The following ROBO2 variants were observed in gnomAD, a reference collection of about 807,000 sequenced individuals.
The protein encoded by ROBO2 is roundabout homolog 2.
ROBO2 carries 53 observed loss-of-function variants against 160.8 expected under a neutral mutation model. That is an observed-to-expected ratio of 0.33 (90% CI 0.26 to 0.41). The LOEUF (loss-of-function observed/expected upper bound fraction) is 0.41. Ranked by LOEUF, ROBO2 falls within the 10% of genes least tolerant of loss-of-function variation. The pLI is 1.00. For missense variants in ROBO2, 1,577 were observed against 1,722.4 expected (o/e 0.92, Z 1.49); for synonymous variants, 664 against 611.7 (o/e 1.09, Z -1.26).
chr3:76,381,507 G>A (rs557288971), intron 2 of ROBO2, among the ~76,000 whole-genome samples: 31 of 151,744 alleles, frequency 2.0e-4, no homozygotes, highest in East Asian at 9.7e-4. Flanking sequence ...GTGCCACCGC[G>A]CCCGGCTTAT....
intron 2 of ROBO2, among the ~76,000 whole-genome samples, chr3:76,903,649 A>C (rs2075385095): frequency 6.6e-6 from 1 of 152,158 alleles, no homozygotes; most frequent in Admixed American, 6.6e-5. Context: ...GCCAAGCTCC[A>C]AGGGCAAATA....
chr3:76,826,902 A>G (rs1337634554), intron 2 of ROBO2, among the ~76,000 whole-genome samples: 6 of 152,186 alleles, frequency 3.9e-5, no homozygotes, highest in Admixed American at 1.3e-4. Flanking sequence ...TTGTTTCCTG[A>G]ATACAAATAG....
chr3:75,961,575 TGTAGC>T (rs1948911214), intron 2 of ROBO2, among the ~76,000 whole-genome samples: 1 of 151,606 alleles, frequency 6.6e-6, no homozygotes, highest in African/African-American at 2.4e-5. Context: ...TTATAAAGGG[TGTAGC>T]ATTCTTTATA....
chr3:77,582,681 T>C (rs543232419), intron 16 of ROBO2, among the ~76,000 whole-genome samples: 1 of 152,262 alleles, frequency 6.6e-6, no homozygotes, highest in South Asian at 2.1e-4. Context: ...TTTCCTCTCA[T>C]CTTTTTTTTG....
chr3:76,728,513 C>A (rs1042513993), intron 2 of ROBO2, among the ~76,000 whole-genome samples: 2 of 152,132 alleles, frequency 1.3e-5, no homozygotes, highest in Non-Finnish European at 2.9e-5. Context: ...ATCATTAAAT[C>A]GCTATCTTCG....
chr3:77,200,014 CAAGT>C (rs2151005650), intron 2 of ROBO2, among the ~76,000 whole-genome samples: 1 of 150,760 alleles, frequency 6.6e-6, no homozygotes, highest in African/African-American at 2.4e-5. Flanking sequence ...TTGCATGCAA[CAAGT>C]AAGTGAATAA....
intron 2 of ROBO2, among the ~76,000 whole-genome samples, chr3:76,665,926 G>T (rs1385192581): frequency 7.4e-6 from 1 of 134,862 alleles, no homozygotes; most frequent in East Asian, 2.1e-4. Context: ...TATTTTATAT[G>T]TAATATACAT....
At chr3:76,128,015 C>T (rs536695993) in intron 2 of ROBO2, among the ~76,000 whole-genome samples, 1 of 151,062 alleles carries the variant, frequency 6.6e-6, no homozygotes, top group African/African-American at 2.4e-5. Context: ...CCTGCCTCAG[C>T]CTCCTGAGTA....
chr3:76,318,229 C>G (rs957878342), intron 2 of ROBO2, among the ~76,000 whole-genome samples: 1 of 152,088 alleles, frequency 6.6e-6, no homozygotes, highest in Non-Finnish European at 1.5e-5. Context: ...AGACTAAGCA[C>G]TCTTATCAAA....
At chr3:76,963,870 T>G (rs147355675) in intron 2 of ROBO2, among the ~76,000 whole-genome samples, 435 of 133,946 alleles carry the variant, frequency 3.2e-3, no homozygotes, top group African/African-American at 0.012. Context: ...AAAAAAGAAA[T>G]AAAAAGAAAA....
At chr3:76,019,358 T>C (rs997691823) in intron 2 of ROBO2, among the ~76,000 whole-genome samples, 2 of 151,746 alleles carry the variant, frequency 1.3e-5, no homozygotes, top group African/African-American at 4.8e-5. Flanking sequence ...ATGGTTCGGT[T>C]TTCTCTGAAG....
chr3:76,802,130 G>T (rs2064247501), intron 2 of ROBO2, among the ~76,000 whole-genome samples: 1 of 152,000 alleles, frequency 6.6e-6, no homozygotes, highest in Non-Finnish European at 1.5e-5. Flanking sequence ...GCATATTGTG[G>T]GAATTATCAA....
At chr3:76,357,539 G>T (rs1048926015) in intron 2 of ROBO2, among the ~76,000 whole-genome samples, 12 of 152,070 alleles carry the variant, frequency 7.9e-5, no homozygotes, top group African/African-American at 2.9e-4. Flanking sequence ...TTTGTGGGTT[G>T]GGGTTGGCTA....
chr3:77,038,124 T>C (rs368780283), upstream of ROBO2, among the ~76,000 whole-genome samples: 9 of 152,248 alleles, frequency 5.9e-5, no homozygotes, highest in African/African-American at 1.9e-4. Context: ...CACAGTGTTA[T>C]CCAATTTAGA....
chr3:76,447,879 G>C (rs9860486), intron 2 of ROBO2, among the ~76,000 whole-genome samples: 114,516 of 129,342 alleles, frequency 0.89, 50,866 homozygotes, highest in East Asian at 1. Context: ...ACATCACACA[G>C]CGGGGCCTGT....
intron 2 of ROBO2, among the ~76,000 whole-genome samples, chr3:76,910,684 C>G (rs1212370569): frequency 7.0e-5 from 10 of 143,120 alleles, no homozygotes; most frequent in Admixed American, 6.5e-4. Context: ...CGAGATCACA[C>G]CACTGCACTC....
intron 10 of ROBO2, 32 bp downstream of exon 11, chr3:77,562,764 G>A: frequency 1.3e-6 from 2 of 1,501,136 alleles, no homozygotes; most frequent in Non-Finnish European, 9.3e-7. Flanking sequence ...AGAAATCTTG[G>A]GCCCCTTTTC....
chr3:77,628,830 T>C (rs907747550), intron 23 of ROBO2, among the ~76,000 whole-genome samples: 7 of 152,166 alleles, frequency 4.6e-5, no homozygotes, highest in African/African-American at 1.4e-4. Flanking sequence ...TCTCTTCAGA[T>C]TGGGTCATGA....
At chr3:76,142,070 C>T (rs185177511) in intron 2 of ROBO2, among the ~76,000 whole-genome samples, 28 of 151,902 alleles carry the variant, frequency 1.8e-4, no homozygotes, top group Admixed American at 1.4e-3. Flanking sequence ...CAATAACAAA[C>T]GGATTCAGTA....
Sources: gnomAD v4.1 joint callset for allele counts (sites outside exome capture counted in the v4.1 genomes callset) on GRCh38, gnomAD v4.1.1 for gene constraint, MANE v1.5 for transcripts, NCBI Gene and HGNC (gene_info 2026-07-23, HGNC 2026-07-21) for gene names.